GULP1: variants seen among roughly 807,000 people sequenced by gnomAD.
The protein encoded by GULP1 is GULP PTB domain containing engulfment adaptor 1.
In GULP1, 19 loss-of-function variants were observed where a neutral mutation model predicts 40.9. That is an observed-to-expected ratio of 0.46 (90% CI 0.32 to 0.68). The LOEUF is 0.68. Among genes scored for constraint, GULP1 ranks in the 30% least tolerant of loss-of-function variants. The pLI, the probability that GULP1 is intolerant of heterozygous loss-of-function variation, is 0.03. For missense variants in GULP1, 312 were observed against 362.2 expected (o/e 0.86, Z 1.12); for synonymous variants, 119 against 117.6 (o/e 1.01, Z -0.08).
At position 188,432,653 on chromosome 2, in the gene GULP1, C is replaced by A. The variant is rs189556300; in HGVS notation, c.-44-45006C>A. Among the ~76,000 whole-genome samples the A allele has an allele frequency of 8.9e-3, 1,346 of 151,936 alleles. 6 individuals are homozygous for A. The highest frequency in any genetic ancestry group is 0.017 in the Middle Eastern group (5 of 288). On this transcript the variant is annotated intron_variant, in intron 2 of 11. Coordinates refer to ENST00000409830, the MANE Select transcript of GULP1 (RefSeq NM_016315.4). ...AGAGATAAATATAAAACTGCTTAAT[C>A]AATAAATTCAGAAAAAAATGTATAT... is the stretch of plus-strand genomic sequence containing the variant.
intron 1 of GULP1, among the ~76,000 whole-genome samples, chr2:188,370,232 A>T (rs2047423745): frequency 6.6e-6 from 1 of 152,140 alleles, no homozygotes; most frequent in African/African-American, 2.4e-5. Flanking sequence ...ACATTCACAG[A>T]TGAGATTTAT....
At chr2:188,330,216 G>C (rs2041375315) in intron 1 of GULP1, among the ~76,000 whole-genome samples, 1 of 151,878 alleles carries the variant, frequency 6.6e-6, no homozygotes, top group Admixed American at 6.6e-5. Context: ...CTTAAGATTA[G>C]GTAAGTATTT....
chr2:188,521,685 T>C (rs751346985), intron 4 of GULP1, among the ~76,000 whole-genome samples: 2 of 152,148 alleles, frequency 1.3e-5, no homozygotes, highest in Non-Finnish European at 2.9e-5. Flanking sequence ...TTTCCTCCCA[T>C]AACACATGGG....
At chr2:188,380,161 T>A (rs1468158766) in intron 1 of GULP1, among the ~76,000 whole-genome samples, 3 of 152,154 alleles carry the variant, frequency 2.0e-5, no homozygotes, top group East Asian at 3.8e-4. Context: ...GTCATTTCCT[T>A]AGTGAGATGA....
At position 188,443,970 on chromosome 2, in the gene GULP1, A is replaced by C. The variant is rs114016957; in HGVS notation, c.-44-33689A>C. Among the ~76,000 whole-genome samples the C allele has an allele frequency of 7.7e-3, 1,180 of 152,286 alleles. 20 individuals carry two copies. The highest frequency in any genetic ancestry group is 0.027 in the African/African-American group (1,135 of 41,564). On this transcript the variant is annotated intron_variant, in intron 2 of 11. Transcript: ENST00000409830. Reference sequence around the variant, plus strand: ...CAATTGCCTTTTTTTTTCCATTCCAAAAATAAACTATTGGAAAGATTTTTG... The same window carrying C: ...CAATTGCCTTTTTTTTTCCATTCCACAAATAAACTATTGGAAAGATTTTTG...
At chr2:188,515,406 G>A (rs116723125) in intron 4 of GULP1, among the ~76,000 whole-genome samples, 2,117 of 152,202 alleles carry the variant, frequency 0.014, 23 homozygotes, top group Non-Finnish European at 0.02. Context: ...AGGATCTCCC[G>A]AATCCACATG....
chr2:188,394,038 C>A (rs1039283076), intron 2 of GULP1, among the ~76,000 whole-genome samples: 1 of 152,086 alleles, frequency 6.6e-6, no homozygotes, highest in Non-Finnish European at 1.5e-5. Context: ...CCCAGGAGTT[C>A]TTTGATCTTC....
At chr2:188,513,385 A>G (rs1322726465) in intron 4 of GULP1, among the ~76,000 whole-genome samples, 3 of 152,112 alleles carry the variant, frequency 2.0e-5, no homozygotes, top group Non-Finnish European at 4.4e-5. Context: ...TTTTAATCTC[A>G]AAGTTCAATA....
chr2:188,356,507 A>G (rs1234373652), intron 1 of GULP1, among the ~76,000 whole-genome samples: 1 of 152,124 alleles, frequency 6.6e-6, no homozygotes, highest in Non-Finnish European at 1.5e-5. Context: ...AAGAAAAACT[A>G]CAAAACATTG....
intron 2 of GULP1, among the ~76,000 whole-genome samples, chr2:188,430,692 T>G (rs970398683): frequency 6.6e-6 from 1 of 152,200 alleles, no homozygotes; most frequent in African/African-American, 2.4e-5. Context: ...CCATAGAAAC[T>G]AGAACCTCTT....
chr2:188,434,714 G>C (rs2057242442), intron 2 of GULP1, among the ~76,000 whole-genome samples: 1 of 150,796 alleles, frequency 6.6e-6, no homozygotes, highest in Admixed American at 6.6e-5. Context: ...AATTTCCTGA[G>C]TTCTATCACC....
chr2:188,307,127 GTAT>G (rs968550846), intron 1 of GULP1, among the ~76,000 whole-genome samples: 31 of 152,004 alleles, frequency 2.0e-4, no homozygotes, highest in African/African-American at 5.6e-4. Context: ...ATGATAGCTA[GTAT>G]TATTATGTCA....
intron 2 of GULP1, among the ~76,000 whole-genome samples, chr2:188,456,625 C>A (rs980515813): frequency 6.6e-6 from 1 of 151,576 alleles, no homozygotes; most frequent in African/African-American, 2.4e-5. Context: ...TCATGGATAA[C>A]CTTTGCTAGG....
At chr2:188,576,263 TG>T (rs1342717922) in intron 9 of GULP1, among the ~76,000 whole-genome samples, 1 of 152,074 alleles carries the variant, frequency 6.6e-6, no homozygotes, top group Non-Finnish European at 1.5e-5. Flanking sequence ...AAAAAAAGCT[TG>T]TCCTTTTTTA....
intron 7 of GULP1, among the ~76,000 whole-genome samples, chr2:188,548,398 G>T (rs1692528860): frequency 6.6e-6 from 1 of 152,048 alleles, no homozygotes; most frequent in Non-Finnish European, 1.5e-5. Context: ...TCTAAACTAA[G>T]AAGTGAAATT....
At chr2:188,435,127 C>G (rs1026421330) in intron 2 of GULP1, among the ~76,000 whole-genome samples, 1 of 151,982 alleles carries the variant, frequency 6.6e-6, no homozygotes, top group Non-Finnish European at 1.5e-5. Flanking sequence ...TTTTTCTGGA[C>G]TTTTTCTTTA....
chr2:188,589,944 C>G (rs1271051758), intron 11 of GULP1: 2 of 356,296 alleles, frequency 5.6e-6, no homozygotes, highest in African/African-American at 4.3e-5. Context: ...GTCACTATTG[C>G]ATTGTTCACT....
intron 2 of GULP1, among the ~76,000 whole-genome samples, chr2:188,421,445 T>C (rs780942206): frequency 2.2e-4 from 34 of 152,172 alleles, no homozygotes; most frequent in Non-Finnish European, 1.0e-4. Context: ...AGATTTTTCT[T>C]TTAAAGCGGT....
chr2:188,459,204 T>TA (rs773989114), intron 2 of GULP1, among the ~76,000 whole-genome samples: 20 of 152,214 alleles, frequency 1.3e-4, no homozygotes, highest in Admixed American at 2.6e-4. Flanking sequence ...CTTTTCAGTA[T>TA]ATACATAGCA....
Sources: allele counts gnomAD v4.1 joint callset (sites outside exome capture counted in the v4.1 genomes callset), GRCh38; gene constraint gnomAD v4.1.1; transcripts MANE v1.5; gene names NCBI Gene and HGNC (gene_info 2026-07-23, HGNC 2026-07-21).